The following ALK variants were observed in gnomAD, a reference collection of about 807,000 sequenced individuals.
ALK encodes ALK tyrosine kinase receptor.
A neutral mutation model predicts 163.1 loss-of-function variants in ALK; 74 were observed. The observed-to-expected ratio is 0.45, with a 90% CI of 0.38 to 0.55. ALK has a LOEUF of 0.55. Ranked by LOEUF, ALK falls within the 20% of genes least tolerant of loss-of-function variation. The pLI, the probability that ALK is intolerant of heterozygous loss-of-function variation, is 0.00. For missense variants in ALK, 2,063 were observed against 2,105.3 expected (o/e 0.98, Z 0.39); for synonymous variants, 960 against 843.2 (o/e 1.14, Z -2.40).
chr2:29,775,598 T>C (rs1681155059), intron 1 of ALK, among the ~76,000 whole-genome samples: 1 of 152,104 alleles, frequency 6.6e-6, no homozygotes, highest in South Asian at 2.1e-4. Flanking sequence ...TCTCTGTTTA[T>C]ACCTTTAGGG....
chr2:29,904,149 G>A (rs1440891641), intron 1 of ALK, among the ~76,000 whole-genome samples: 1 of 151,858 alleles, frequency 6.6e-6, no homozygotes, highest in East Asian at 1.9e-4. Context: ...ATTGAAATAG[G>A]GTTTTTTTCT....
At chr2:29,847,527 A>C (rs1558516398) in intron 1 of ALK, among the ~76,000 whole-genome samples, 1 of 152,158 alleles carries the variant, frequency 6.6e-6, no homozygotes, top group Non-Finnish European at 1.5e-5. Flanking sequence ...AGCAATTTTA[A>C]AAGGTTGGTC....
At chr2:29,481,354 G>A (rs1161170959) in intron 4 of ALK, among the ~76,000 whole-genome samples, 1 of 152,212 alleles carries the variant, frequency 6.6e-6, no homozygotes, top group African/African-American at 2.4e-5. Context: ...AAATAGAAGA[G>A]CAATGTGGAA....
rs114819018 is a variant in ALK, at chr2:29,507,221, G to A, written c.1154+24694C>T. Among the ~76,000 whole-genome samples the A allele has an allele frequency of 1.8e-3, 278 of 152,268 alleles. 1 individual carries two copies. The highest frequency in any genetic ancestry group is 5.2e-3 in the African/African-American group (216 of 41,542). The stretch of plus-strand genomic sequence containing the variant: ...AAAAAGGAAGAAAACTCTGACACAC[G>A]TTACAATATGAATGAACCTTGAGCA... On this transcript the variant is annotated intron_variant, in intron 4 of 28. Coordinates refer to ENST00000389048, the MANE Select transcript of ALK (RefSeq NM_004304.5).
intron 18 of ALK, among the ~76,000 whole-genome samples, chr2:29,225,798 A>T (rs1018997501): frequency 6.6e-6 from 1 of 152,188 alleles, no homozygotes; most frequent in Non-Finnish European, 1.5e-5. Context: ...AGGGATGAAT[A>T]TCAGTGGCGG....
chr2:29,635,402 C>T (rs1204242579), intron 3 of ALK, among the ~76,000 whole-genome samples: 1 of 152,020 alleles, frequency 6.6e-6, no homozygotes, highest in African/African-American at 2.4e-5. Context: ...AAGAGAGAGG[C>T]AGTTGACAAT....
chr2:29,687,108 A>C (rs1434090778), intron 3 of ALK, among the ~76,000 whole-genome samples: 1 of 152,106 alleles, frequency 6.6e-6, no homozygotes, highest in Non-Finnish European at 1.5e-5. Flanking sequence ...TGCTCAAATG[A>C]AAAGCATAAG....
At chr2:29,294,853 C>G (rs1051217992) in intron 9 of ALK, among the ~76,000 whole-genome samples, 30 of 152,322 alleles carry the variant, frequency 2.0e-4, no homozygotes, top group African/African-American at 7.2e-4. Flanking sequence ...AGCCTCTGCC[C>G]TTTCATCTAG....
At chr2:29,623,491 T>G (rs13407543) in intron 3 of ALK, among the ~76,000 whole-genome samples, 1,974 of 44,864 alleles carry the variant, frequency 0.044, 54 homozygotes, top group African/African-American at 0.097. Context: ...ATAGCTCACT[T>G]TAATACTTTA....
At chr2:29,305,923 A>G (rs1478468322) in intron 8 of ALK, among the ~76,000 whole-genome samples, 2 of 152,174 alleles carry the variant, frequency 1.3e-5, no homozygotes, top group Admixed American at 6.5e-5. Flanking sequence ...TCGCACTTCT[A>G]TGAGAATCTA....
intron 1 of ALK, among the ~76,000 whole-genome samples, chr2:29,790,058 G>A (rs924187720): frequency 2.0e-5 from 3 of 152,146 alleles, no homozygotes; most frequent in African/African-American, 4.8e-5. Flanking sequence ...CCGTCAAGAT[G>A]GCCGACCTAC....
chr2:29,788,047 T>C (rs1664088337), intron 1 of ALK, among the ~76,000 whole-genome samples: 1 of 152,206 alleles, frequency 6.6e-6, no homozygotes, highest in African/African-American at 2.4e-5. Flanking sequence ...AAAAAGTTTC[T>C]TGAAACAAGC....
Position 29,630,778 on chromosome 2 carries a change from T to C in ALK, c.952+64072A>G, listed in dbSNP as rs1312660225. ...TGTTGTCTACGTCTTTGAGGAACTT[T>C]GGTATTTACACTGCAAGACTTTTAG... On this transcript the variant is annotated intron_variant, in intron 3 of 28. Coordinates refer to ENST00000389048, the MANE Select transcript of ALK (RefSeq NM_004304.5). Among the ~76,000 whole-genome samples the C allele has an allele frequency of 2.6e-5, 4 of 152,310 alleles. No homozygotes were observed. The East Asian group carries it at 7.7e-4, about 29-fold the overall frequency.
intron 9 of ALK, among the ~76,000 whole-genome samples, chr2:29,281,952 G>A (rs2148220114): frequency 6.6e-6 from 1 of 152,326 alleles, no homozygotes; most frequent in East Asian, 1.9e-4. Flanking sequence ...ACCTAATTAA[G>A]TTCACTTAAT....
chr2:29,733,007 C>G (rs1265525741), intron 1 of ALK, among the ~76,000 whole-genome samples: 1 of 151,666 alleles, frequency 6.6e-6, no homozygotes, highest in Non-Finnish European at 1.5e-5. Context: ...GAATATAAGA[C>G]CAACAGAGAG....
intron 4 of ALK, among the ~76,000 whole-genome samples, chr2:29,424,490 T>C (rs1670090300): frequency 6.6e-6 from 1 of 152,240 alleles, no homozygotes. Flanking sequence ...AAAGTTGTTC[T>C]TGTATATTAT....
intron 1 of ALK, among the ~76,000 whole-genome samples, chr2:29,806,966 C>T (rs975972490): frequency 6.6e-6 from 1 of 152,220 alleles, no homozygotes; most frequent in African/African-American, 2.4e-5. Flanking sequence ...TGCACGTGCA[C>T]GCACATACAC....
chr2:29,473,853 CAAAACAAAAACA>C (rs61386576), intron 4 of ALK, among the ~76,000 whole-genome samples: 2 of 150,896 alleles, frequency 1.3e-5, no homozygotes, highest in South Asian at 2.1e-4. Context: ...GAGACTTTGT[CAAAACAAAAACA>C]AAAACAAAAA....
intron 1 of ALK, among the ~76,000 whole-genome samples, chr2:29,723,996 A>G (rs1226594736): frequency 6.6e-6 from 1 of 152,188 alleles, no homozygotes; most frequent in African/African-American, 2.4e-5. Flanking sequence ...TGTATTTCCA[A>G]TCTTTATTTT....
Sources: gnomAD v4.1 joint callset for allele counts (sites outside exome capture counted in the v4.1 genomes callset) on GRCh38, gnomAD v4.1.1 for gene constraint, MANE v1.5 for transcripts, NCBI Gene and HGNC (gene_info 2026-07-23, HGNC 2026-07-21) for gene names.